Variants in AGBL1 observed in about 807,000 individuals in gnomAD.
AGBL1 encodes AGBL carboxypeptidase 1.
AGBL1 carries 130 observed loss-of-function variants against 118.9 expected under a neutral mutation model. The observed-to-expected ratio is 1.09, with a 90% CI of 0.95 to 1.26. The LOEUF (loss-of-function observed/expected upper bound fraction) is 1.26, where lower values mean the gene tolerates loss of function less well. Among genes scored for constraint, AGBL1 ranks in the 50% most tolerant of loss-of-function variants. AGBL1 has a pLI of 0.00. For synonymous variants in AGBL1, 555 were observed against 478.9 expected (o/e 1.16, Z -2.08); for missense variants, 1,584 against 1,298.1 (o/e 1.22, Z -3.38).
chr15:86,444,429 T>C (rs1437912659), intron 18 of AGBL1, among the ~76,000 whole-genome samples: 5 of 152,032 alleles, frequency 3.3e-5, no homozygotes, highest in African/African-American at 1.2e-4. Context: ...GACCTGAAAG[T>C]TTTCACATGA....
intron 21 of AGBL1, among the ~76,000 whole-genome samples, chr15:86,592,895 C>T (rs1233480321): frequency 6.6e-6 from 1 of 152,104 alleles, no homozygotes; most frequent in Admixed American, 6.5e-5. Flanking sequence ...CCATCTCCTG[C>T]CCTGCTTATA....
chr15:86,407,772 G>A (rs1265962957), intron 18 of AGBL1, among the ~76,000 whole-genome samples: 1 of 152,104 alleles, frequency 6.6e-6, no homozygotes, highest in Non-Finnish European at 1.5e-5. Flanking sequence ...ACAGGCTAAG[G>A]TTTAATAAGC....
intron 5 of AGBL1, among the ~76,000 whole-genome samples, chr15:86,162,782 C>T (rs752264250): frequency 2.0e-5 from 3 of 152,200 alleles, no homozygotes; most frequent in South Asian, 2.1e-4. Flanking sequence ...GCTCTCATCT[C>T]GCTTTCCAGC....
chr15:86,245,811 A>G (rs2141987669), intron 6 of AGBL1, among the ~76,000 whole-genome samples: 1 of 152,314 alleles, frequency 6.6e-6, no homozygotes, highest in East Asian at 1.9e-4. Flanking sequence ...GCTCACTACC[A>G]CGTAGAGTCT....
chr15:86,208,586 G>T (rs1319637235), intron 5 of AGBL1, among the ~76,000 whole-genome samples: 1 of 152,152 alleles, frequency 6.6e-6, no homozygotes, highest in Non-Finnish European at 1.5e-5. Flanking sequence ...ATTTCTTCTA[G>T]ATTTTCTAGT....
chr15:87,016,330 G>A (rs2081607854), intron 24 of AGBL1, among the ~76,000 whole-genome samples: 1 of 152,162 alleles, frequency 6.6e-6, no homozygotes, highest in Admixed American at 6.6e-5. Context: ...TTAAGTGCAG[G>A]CTTAGCAATG....
At chr15:86,434,831 A>G (rs1431232) in intron 18 of AGBL1, among the ~76,000 whole-genome samples, 102,580 of 152,118 alleles carry the variant, frequency 0.67, 36,847 homozygotes, top group African/African-American at 0.92. Context: ...AAATGGACAT[A>G]GCTTCCTCTC....
At chr15:86,520,139 G>A (rs2083168413) in intron 18 of AGBL1, among the ~76,000 whole-genome samples, 1 of 152,132 alleles carries the variant, frequency 6.6e-6, no homozygotes, top group Non-Finnish European at 1.5e-5. Context: ...AAAAAATTAG[G>A]ATGAGGTAAG....
In AGBL1 at chr15:86,262,809, T is replaced by A; in HGVS notation, c.1001T>A (p.Leu334Gln). 6.2e-7 allele frequency: 1 copy of A among 1,610,232 alleles called. No individual in the cohort carries two copies. Among genetic ancestry groups the A allele is most frequent in the Non-Finnish European group, 8.5e-7 (1 of 1,178,118 alleles). ...DDDLETDVNKLSSKPGLDRPE... is the reference protein window; with the variant it reads ...DDDLETDVNKQSSKPGLDRPE... ...GACTTGGAAACAGACGTGAACAAGC[T>A]GAGTTCCAAACCTGGTCTTGACCGA... Residue 334 changes from leucine to glutamine, a missense_variant, in exon 10 of 23, where the codon CTG becomes CAG. Coordinates refer to ENST00000614907, the MANE Select transcript of AGBL1 (RefSeq NM_001386094.1).
chr15:86,560,693 T>C (rs1476867924), intron 21 of AGBL1, among the ~76,000 whole-genome samples: 2 of 152,242 alleles, frequency 1.3e-5, no homozygotes, highest in Non-Finnish European at 2.9e-5. Context: ...TTTCTAGTTC[T>C]AGATCCTTGA....
chr15:86,351,909 T>C (rs1266608924), intron 17 of AGBL1, among the ~76,000 whole-genome samples: 3 of 152,170 alleles, frequency 2.0e-5, no homozygotes, highest in African/African-American at 7.2e-5. Context: ...CCAAGGGTGT[T>C]CTTTGAGCCT....
intron 20 of AGBL1, among the ~76,000 whole-genome samples, chr15:86,550,157 A>T (rs147678680): frequency 1.2e-3 from 177 of 152,230 alleles, no homozygotes; most frequent in African/African-American, 4.0e-3. Flanking sequence ...CCAAAAAGAG[A>T]GGAAAATAAA....
At position 86,592,685 on chromosome 15, in the gene AGBL1, C is replaced by A. The variant is rs2084354419; in HGVS notation, c.2994+38148C>A. ...ACAGTTAAACTTTGCCATTTTGTCT[C>A]TTAGTAGACATGCTTGAGCCCACTC... On this transcript the variant is annotated intron_variant, in intron 21 of 22. Coordinates refer to ENST00000614907, the MANE Select transcript of AGBL1 (RefSeq NM_001386094.1). Among the ~76,000 whole-genome samples the A allele has an allele frequency of 1.3e-5, 2 of 152,218 alleles. 1 individual carries two copies. The highest frequency in any genetic ancestry group is 4.1e-4 in the South Asian group (2 of 4,824).
intron 22 of AGBL1, among the ~76,000 whole-genome samples, chr15:86,769,941 A>G (rs1458805974): frequency 2.0e-5 from 3 of 151,998 alleles, no homozygotes; most frequent in Admixed American, 6.6e-5. Flanking sequence ...ACAAAGGACC[A>G]GTTATATACC....
At chr15:86,142,217 G>T (rs1255264449) in intron 2 of AGBL1, 150 bp downstream of exon 2, 4 of 739,818 alleles carry the variant, frequency 5.4e-6, no homozygotes, top group East Asian at 5.4e-5. Flanking sequence ...TTTCTCTAAG[G>T]TTAATAAGAC....
rs544068178 is a variant in AGBL1, at chr15:86,336,903, G to A, written c.2374+41495G>A. 2.0e-4 allele frequency among the ~76,000 whole-genome samples: 31 copies of A among 152,302 alleles called. 1 individual carries two copies. The highest frequency in any genetic ancestry group is 3.4e-3 in the Middle Eastern group (1 of 294). On this transcript the variant is annotated intron_variant, in intron 17 of 22. Coordinates refer to ENST00000614907, the MANE Select transcript of AGBL1 (RefSeq NM_001386094.1). ...ACCCAACCTAAGTAAAAATTACCTT[G>A]CCATCTACTTCTTCATGTATTGATA...
intron 24 of AGBL1, among the ~76,000 whole-genome samples, chr15:87,001,090 CTT>C (rs1318197209): frequency 1.5e-5 from 2 of 135,326 alleles, no homozygotes; most frequent in Non-Finnish European, 1.6e-5. Context: ...TATCCTGAGA[CTT>C]TGCTGAAGTT....
chr15:86,108,106 C>T (rs1897156900), intron 1 of AGBL1, among the ~76,000 whole-genome samples: 1 of 152,220 alleles, frequency 6.6e-6, no homozygotes, highest in African/African-American at 2.4e-5. Context: ...TTTGATCTAA[C>T]TTGCAAGCCA....
At chr15:86,937,549 A>T (rs1021316555) in intron 23 of AGBL1, among the ~76,000 whole-genome samples, 2 of 152,240 alleles carry the variant, frequency 1.3e-5, no homozygotes, top group Non-Finnish European at 2.9e-5. Context: ...AAATAGGAAC[A>T]GAAAACCAAA....
Sources: allele counts gnomAD v4.1 joint callset (sites outside exome capture counted in the v4.1 genomes callset), GRCh38; gene constraint gnomAD v4.1.1; transcripts MANE v1.5; gene names NCBI Gene and HGNC (gene_info 2026-07-23, HGNC 2026-07-21).